The following INO80 variants were observed in gnomAD, a reference collection of about 807,000 sequenced individuals.
INO80 encodes the protein chromatin-remodeling ATPase INO80.
A neutral mutation model predicts 203.4 loss-of-function variants in INO80; 20 were observed. That is an observed-to-expected ratio of 0.10 (90% CI 0.07 to 0.14). The LOEUF (loss-of-function observed/expected upper bound fraction) is 0.14. Among genes scored for constraint, INO80 ranks in the 10% least tolerant of loss-of-function variants. The pLI, the probability that INO80 is intolerant of heterozygous loss-of-function variation, is 1.00. For missense variants in INO80, 1,419 were observed against 1,914.4 expected (o/e 0.74, Z 4.83); for synonymous variants, 726 against 685.2 (o/e 1.06, Z -0.93).
intron 17 of INO80, among the ~76,000 whole-genome samples, chr15:41,055,945 GTTTT>G (rs5812185): frequency 1.6e-5 from 2 of 128,586 alleles, no homozygotes; most frequent in Non-Finnish European, 3.1e-5. Flanking sequence ...TCTTCTTTTG[GTTTT>G]TTTTTTTTTT....
chr15:41,071,488 CTT>C (rs1219019687), intron 12 of INO80, among the ~76,000 whole-genome samples: 1 of 99,170 alleles, frequency 1.0e-5, no homozygotes, highest in East Asian at 3.1e-4. Context: ...GAGTTTTGCT[CTT>C]GTTGCCCAGG....
At chr15:40,984,926 G>A (rs571818079) in intron 32 of INO80, among the ~76,000 whole-genome samples, 4 of 152,288 alleles carry the variant, frequency 2.6e-5, no homozygotes, top group African/African-American at 9.6e-5. Context: ...GAAATAAACC[G>A]GGGGTTTATT....
chr15:41,081,661 G>T (rs1048547341), intron 7 of INO80, among the ~76,000 whole-genome samples: 2 of 151,980 alleles, frequency 1.3e-5, no homozygotes, highest in Non-Finnish European at 2.9e-5. Flanking sequence ...CTAGCTAAGG[G>T]GAAAAACAAA....
At chr15:41,071,195 T>C (rs1490576634) in intron 12 of INO80, among the ~76,000 whole-genome samples, 1 of 152,208 alleles carries the variant, frequency 6.6e-6, no homozygotes, top group Non-Finnish European at 1.5e-5. Context: ...AGAGACATCC[T>C]TCTGCCTCTT....
intron 24 of INO80, among the ~76,000 whole-genome samples, chr15:41,035,686 G>A (rs2044560134): frequency 6.6e-6 from 1 of 151,102 alleles, no homozygotes; most frequent in Admixed American, 6.6e-5. Context: ...GCTGGGTGTG[G>A]TGGCGGGCAC....
chr15:41,015,480 C>T (rs2044189887), intron 27 of INO80, among the ~76,000 whole-genome samples: 2 of 152,158 alleles, frequency 1.3e-5, no homozygotes, highest in African/African-American at 2.4e-5. Flanking sequence ...ATTTTAGATT[C>T]CTAGGCTGTG....
chr15:40,982,027 C>G (rs1893850307), intron 35 of INO80, among the ~76,000 whole-genome samples: 1 of 152,238 alleles, frequency 6.6e-6, no homozygotes, highest in Non-Finnish European at 1.5e-5. Context: ...ACTGCTGTGG[C>G]TGCCTTCTTT....
At chr15:41,009,688 A>G (rs1229878403) in intron 27 of INO80, among the ~76,000 whole-genome samples, 2 of 152,022 alleles carry the variant, frequency 1.3e-5, no homozygotes, top group African/African-American at 4.8e-5. Context: ...CCTGGGCTCA[A>G]ATGATCCTCT....
At chr15:41,059,010 A>G (rs1188587136) in intron 15 of INO80, among the ~76,000 whole-genome samples, 1 of 152,248 alleles carries the variant, frequency 6.6e-6, no homozygotes, top group East Asian at 1.9e-4. Flanking sequence ...AGAGTCCAGC[A>G]GCGTGAACAT....
chr15:41,098,545 C>G lies in INO80; in HGVS notation c.-43-2192G>C, dbSNP rs545304427. Among the ~76,000 whole-genome samples the G allele has an allele frequency of 6.6e-5, 10 of 152,054 alleles. No individual in the cohort carries two copies. The East Asian group carries it at 1.9e-3, about 29-fold the overall frequency. On this transcript the variant is annotated intron_variant, in intron 1 of 35. Transcript: ENST00000648947. ...TTAAAATTAGCTGGGCATGGTGGCA[C>G]AGGCCTCTGGACAAACTATTCGGGA...
chr15:41,027,559 G>T, intron 25 of INO80, 37 bp downstream of exon 25: 1 of 1,538,570 alleles, frequency 6.5e-7, no homozygotes, highest in Non-Finnish European at 8.8e-7. Context: ...TTCTCCTATT[G>T]CCATCTATTT....
chr15:41,079,606 G>T, intron 9 of INO80, 95 bp downstream of exon 9: 37 of 982,838 alleles, frequency 3.8e-5, no homozygotes, highest in Non-Finnish European at 5.5e-5. Flanking sequence ...AATTGACAGT[G>T]TCATTGGTTA....
At chr15:41,081,103 T>C in intron 7 of INO80, 30 bp from the exon 8 acceptor site, 2 of 1,407,792 alleles carry the variant, frequency 1.4e-6, no homozygotes, top group Non-Finnish European at 1.0e-6. Flanking sequence ...ATATTTCATT[T>C]AGGATTCATT....
chr15:40,995,741 G>C (rs1181618117), intron 29 of INO80, among the ~76,000 whole-genome samples: 1 of 152,146 alleles, frequency 6.6e-6, no homozygotes, highest in African/African-American at 2.4e-5. Flanking sequence ...AAGATACAGA[G>C]AGCAGGGAAC....
intron 28 of INO80, chr15:41,004,386 T>C (rs1479064874): frequency 6.6e-6 from 1 of 152,214 alleles, no homozygotes; most frequent in Non-Finnish European, 1.5e-5. Context: ...GAATTAAAAA[T>C]TGTAATCTAA....
chr15:41,036,465 T>C (rs2044578324), intron 24 of INO80, among the ~76,000 whole-genome samples: 1 of 152,112 alleles, frequency 6.6e-6, no homozygotes, highest in Non-Finnish European at 1.5e-5. Context: ...ATAAGATCAA[T>C]GAATGATCAA....
intron 1 of INO80, among the ~76,000 whole-genome samples, chr15:41,110,365 G>A (rs1026349003): frequency 1.3e-5 from 2 of 151,660 alleles, no homozygotes; most frequent in African/African-American, 4.8e-5. Flanking sequence ...GGATGGTCTC[G>A]ATCTCTTGAC....
intron 24 of INO80, among the ~76,000 whole-genome samples, chr15:41,032,083 C>CACAGCACAGG (rs2044495985): frequency 1.5e-5 from 2 of 129,104 alleles, no homozygotes; most frequent in African/African-American, 8.3e-5. Context: ...GACAGCACAG[C>CACAGCACAGG]ACAGCACAGC....
At chr15:41,085,609 T>G (rs372713301) in intron 6 of INO80, 26 bp from the exon 7 acceptor site, 17 of 1,594,004 alleles carry the variant, frequency 1.1e-5, no homozygotes, top group Non-Finnish European at 1.5e-5. Context: ...ATGCAACAGG[T>G]TGCACTTCCA....
Sources: gnomAD v4.1 joint callset for allele counts (sites outside exome capture counted in the v4.1 genomes callset) on GRCh38, gnomAD v4.1.1 for gene constraint, MANE v1.5 for transcripts, NCBI Gene and HGNC (gene_info 2026-07-23, HGNC 2026-07-21) for gene names.